The following UXS1 variants were observed in gnomAD, a reference collection of about 807,000 sequenced individuals.
UXS1 encodes UDP-glucuronate decarboxylase 1.
Under a neutral mutation model 62.6 loss-of-function variants are expected in UXS1, and 33 were observed. That is an observed-to-expected ratio of 0.53 (90% CI 0.40 to 0.70). The LOEUF is 0.70. UXS1 is among the 30% of genes least tolerant of loss of function. The pLI is 0.00. For synonymous variants in UXS1, 213 were observed against 206.8 expected (o/e 1.03, Z -0.26); for missense variants, 434 against 556.3 (o/e 0.78, Z 2.21).
chr2:106,176,651 C>G (rs1166347344), intron 1 of UXS1, among the ~76,000 whole-genome samples: 1 of 152,202 alleles, frequency 6.6e-6, no homozygotes, highest in African/African-American at 2.4e-5. Flanking sequence ...ACTAGAGAAG[C>G]ACTCTGCAGC....
At chr2:106,190,104 G>C (rs1163605083) in intron 1 of UXS1, among the ~76,000 whole-genome samples, 1 of 152,186 alleles carries the variant, frequency 6.6e-6, no homozygotes, top group Non-Finnish European at 1.5e-5. Flanking sequence ...GGGAAGACGC[G>C]ACAGACAACT....
chr2:106,146,205 T>C (rs1043882095), intron 5 of UXS1, among the ~76,000 whole-genome samples: 3 of 152,354 alleles, frequency 2.0e-5, no homozygotes, highest in Non-Finnish European at 4.4e-5. Flanking sequence ...GTGAAAAGAA[T>C]AGGCTCAGAA....
At chr2:106,124,836 C>T (rs1001579677) in intron 8 of UXS1, among the ~76,000 whole-genome samples, 5 of 152,148 alleles carry the variant, frequency 3.3e-5, no homozygotes, top group Admixed American at 3.3e-4. Flanking sequence ...TTCTCTGTTG[C>T]TATGATTTTT....
At chr2:106,095,899 G>A (rs1436757589) in intron 14 of UXS1, among the ~76,000 whole-genome samples, 5 of 152,222 alleles carry the variant, frequency 3.3e-5, no homozygotes, top group East Asian at 1.9e-4. Context: ...CACAGCAGGC[G>A]GCAGAGCAGA....
intron 10 of UXS1, among the ~76,000 whole-genome samples, chr2:106,111,585 G>A (rs1678613856): frequency 6.6e-6 from 1 of 152,162 alleles, no homozygotes; most frequent in African/African-American, 2.4e-5. Flanking sequence ...GGCTACCACT[G>A]TGTGGCCACC....
chr2:106,169,202 T>C (rs530106776), intron 1 of UXS1, among the ~76,000 whole-genome samples: 3 of 152,344 alleles, frequency 2.0e-5, no homozygotes, highest in Admixed American at 6.5e-5. Context: ...TACTGTGCTA[T>C]ATATCTCAAA....
chr2:106,182,357 C>T lies in UXS1; in HGVS notation c.94+11791G>A, dbSNP rs973248823. Among the ~76,000 whole-genome samples, 13 of 152,276 alleles carry T rather than the reference C, an allele frequency of 8.5e-5. No individual in the cohort carries two copies. In the East Asian group the frequency reaches 1.7e-3, roughly 20 times the overall value. ...ACAAGTTTGGTAAAGAAAAGCTAGGCGCTATTTCTGGATGGGAAGGCAATT... is the reference window on the plus strand; with the variant it reads ...ACAAGTTTGGTAAAGAAAAGCTAGGTGCTATTTCTGGATGGGAAGGCAATT... On this transcript the variant is annotated intron_variant, in intron 1 of 14. Transcript: ENST00000283148.
At chr2:106,117,640 C>T (rs1294759873) in intron 9 of UXS1, among the ~76,000 whole-genome samples, 1 of 152,228 alleles carries the variant, frequency 6.6e-6, no homozygotes, top group Non-Finnish European at 1.5e-5. Flanking sequence ...GCATATTCAC[C>T]TGTAGGGAAT....
chr2:106,139,479 G>A (rs938709058), intron 6 of UXS1, among the ~76,000 whole-genome samples: 4 of 152,044 alleles, frequency 2.6e-5, no homozygotes, highest in Non-Finnish European at 5.9e-5. Context: ...CTCCCTAAAG[G>A]GTCTTAGGTT....
chr2:106,192,190 T>TG (rs2104307787), intron 1 of UXS1, among the ~76,000 whole-genome samples: 1 of 152,330 alleles, frequency 6.6e-6, no homozygotes, highest in South Asian at 2.1e-4. Flanking sequence ...CCCCATGGTG[T>TG]CTCCTAGTGC....
At chr2:106,155,572 G>A (rs970768353) in intron 5 of UXS1, among the ~76,000 whole-genome samples, 1 of 152,214 alleles carries the variant, frequency 6.6e-6, no homozygotes, top group African/African-American at 2.4e-5. Context: ...ACAGTATTCA[G>A]TATAGCAACA....
chr2:106,106,309 A>G (rs1007814360), intron 10 of UXS1, among the ~76,000 whole-genome samples: 1 of 148,588 alleles, frequency 6.7e-6, no homozygotes, highest in African/African-American at 2.5e-5. Context: ...GGTTGCAGTG[A>G]GCCGAGATCG....
At chr2:106,155,088 T>C (rs530718466) in intron 5 of UXS1, among the ~76,000 whole-genome samples, 36 of 152,262 alleles carry the variant, frequency 2.4e-4, no homozygotes, top group African/African-American at 8.4e-4. Flanking sequence ...CTCATTACAG[T>C]GGGGTGTGCA....
intron 1 of UXS1, among the ~76,000 whole-genome samples, chr2:106,175,532 C>T (rs1683824681): frequency 6.6e-6 from 1 of 152,168 alleles, no homozygotes; most frequent in African/African-American, 2.4e-5. Flanking sequence ...GCTGCTTGGA[C>T]CACAGTGAAG....
chr2:106,187,347 T>C (rs535369676), intron 1 of UXS1, among the ~76,000 whole-genome samples: 32 of 152,262 alleles, frequency 2.1e-4, no homozygotes, highest in Admixed American at 1.0e-3. Context: ...ACTAGGTTGT[T>C]GGATTTTAGC....
chr2:106,171,306 A>ATC (rs77250912), intron 1 of UXS1, among the ~76,000 whole-genome samples: 149,120 of 152,262 alleles, frequency 0.98, 73,082 homozygotes, highest in South Asian at 1. Flanking sequence ...CACTTTCATA[A>ATC]TCTCTGAGTC....
intron 11 of UXS1, 50 bp downstream of exon 11, chr2:106,104,743 AC>A: frequency 6.2e-7 from 1 of 1,610,280 alleles, no homozygotes; most frequent in Non-Finnish European, 8.5e-7. Context: ...AGTTGGCATG[AC>A]CCCTGCTCCA....
At chr2:106,173,629 T>C (rs911929350) in intron 1 of UXS1, among the ~76,000 whole-genome samples, 2 of 152,210 alleles carry the variant, frequency 1.3e-5, no homozygotes, top group African/African-American at 4.8e-5. Flanking sequence ...GTGGGACATC[T>C]CTGTCCCAGC....
intron 1 of UXS1, among the ~76,000 whole-genome samples, chr2:106,170,132 G>A (rs1236531370): frequency 1.3e-5 from 2 of 151,944 alleles, no homozygotes; most frequent in Non-Finnish European, 2.9e-5. Context: ...TCCACGCTTC[G>A]CCACTCAGAC....
Sources: gnomAD v4.1 joint callset for allele counts (sites outside exome capture counted in the v4.1 genomes callset) on GRCh38, gnomAD v4.1.1 for gene constraint, MANE v1.5 for transcripts, NCBI Gene and HGNC (gene_info 2026-07-23, HGNC 2026-07-21) for gene names.